Variants in CSPP1 observed in about 807,000 individuals in gnomAD.
CSPP1 encodes the protein centrosome and spindle pole associated protein 1, also known as centrosome and spindle pole-associated protein 1.
CSPP1 carries 126 observed loss-of-function variants against 164.4 expected under a neutral mutation model. The observed-to-expected ratio is 0.77, with a 90% CI of 0.66 to 0.89. CSPP1 has a LOEUF of 0.89. CSPP1 is among the 40% of genes least tolerant of loss of function. The pLI is 0.00. For missense variants in CSPP1, 1,395 were observed against 1,449.8 expected (o/e 0.96, Z 0.61); for synonymous variants, 472 against 476.7 (o/e 0.99, Z 0.13).
chr8:67,151,899 C>A (rs1274485219), intron 18 of CSPP1, among the ~76,000 whole-genome samples: 1 of 151,522 alleles, frequency 6.6e-6, no homozygotes, highest in Non-Finnish European at 1.5e-5. Context: ...ACCATCCTGG[C>A]CTACATGGTG....
chr8:67,064,694 T>TG (rs1805150088), intron 1 of CSPP1, 156 bp downstream of exon 1: 3 of 10,856 alleles, frequency 2.8e-4, no homozygotes, highest in Admixed American at 9.8e-4. Flanking sequence ...AATCTGGGGG[T>TG]GGGGGTGGGG....
At chr8:67,098,984 CAT>C (rs1813444287) in intron 7 of CSPP1, among the ~76,000 whole-genome samples, 1 of 150,532 alleles carries the variant, frequency 6.6e-6, no homozygotes, top group African/African-American at 2.4e-5. Flanking sequence ...TAAAGATTAA[CAT>C]GTGTTCATTT....
intron 24 of CSPP1, among the ~76,000 whole-genome samples, chr8:67,169,829 A>G (rs1308340779): frequency 6.6e-6 from 1 of 151,734 alleles, no homozygotes; most frequent in African/African-American, 2.4e-5. Context: ...GCTCACAGCA[A>G]CCTCCGCCTC....
At chr8:67,167,202 A>T (rs1211069834) in intron 24 of CSPP1, among the ~76,000 whole-genome samples, 2 of 152,202 alleles carry the variant, frequency 1.3e-5, no homozygotes, top group Non-Finnish European at 2.9e-5. Context: ...CAAAACCGCA[A>T]TCATCATCAT....
chr8:67,110,729 G>A (rs1816681018), intron 9 of CSPP1, among the ~76,000 whole-genome samples: 1 of 152,106 alleles, frequency 6.6e-6, no homozygotes, highest in Non-Finnish European at 1.5e-5. Context: ...CTGTGGTCTG[G>A]AAATTTCATT....
In CSPP1 at chr8:67,161,926, T is replaced by C. The variant is rs1455846653; in HGVS notation, c.2643+11T>C. On this transcript the variant is annotated intron_variant, in intron 22 of 30. Coordinates refer to ENST00000678616, the MANE Select transcript of CSPP1 (RefSeq NM_001382391.1). ...CGTTCCTTTATTCATGTATGTACTT[T>C]TGTTTTTATTTGTTCATCCTAGCTC... 2.0e-6 allele frequency: 3 copies of C among 1,486,038 alleles called. No individual in the cohort carries two copies. The highest frequency in any genetic ancestry group is 3.4e-5 in the Admixed American group (2 of 59,454). 92.1% of individuals were successfully genotyped at this position (1,486,038 alleles called of 1,614,324 possible). A position where few individuals can be genotyped will look rare whatever the true frequency, so the allele number is the denominator to read the frequency against.
intron 9 of CSPP1, among the ~76,000 whole-genome samples, chr8:67,111,411 GTAAT>G (rs1341987144): frequency 6.6e-6 from 1 of 152,130 alleles, no homozygotes; most frequent in Non-Finnish European, 1.5e-5. Flanking sequence ...GGGAAGACTG[GTAAT>G]TAGTTAGGAA....
At chr8:67,100,256 T>C (rs1210840012) in intron 7 of CSPP1, among the ~76,000 whole-genome samples, 2 of 152,190 alleles carry the variant, frequency 1.3e-5, no homozygotes, top group Non-Finnish European at 2.9e-5. Context: ...CTTAACCTTA[T>C]ACATAAATAA....
chr8:67,076,469 A>C lies in CSPP1; in HGVS notation c.100-13A>C. On this transcript the variant is annotated splice_polypyrimidine_tract_variant and intron_variant, in intron 2 of 30. Transcript: ENST00000678616. ...TTTTCCTCTTGCTTTTGTAAACATT[A>C]TGTCTCTTTCAGGGAAAGTTGTCAG... 3 of 1,490,374 alleles carry C rather than the reference A, an allele frequency of 2.0e-6. No individual in the cohort carries two copies. Among genetic ancestry groups the C allele is most frequent in the Non-Finnish European group, 2.7e-6 (3 of 1,094,658 alleles). The allele number at this position is 1,490,374 out of a possible 1,614,324, so 92.3% of individuals were successfully genotyped here.
chr8:67,092,498 C>T (rs910632397), intron 5 of CSPP1, among the ~76,000 whole-genome samples: 8 of 152,084 alleles, frequency 5.3e-5, no homozygotes, highest in South Asian at 2.1e-4. Context: ...AGGGCAGTGG[C>T]GGGGTCTTGG....
chr8:67,138,066 AAGAAGACATGATCAT>A (rs1468541679), intron 17 of CSPP1, among the ~76,000 whole-genome samples: 3 of 152,196 alleles, frequency 2.0e-5, no homozygotes, highest in African/African-American at 7.2e-5. Context: ...CTTTGGGAAA[AAGAAGACATGATCAT>A]AGAAACTTTC....
At chr8:67,073,383 T>A (rs528040151) in intron 1 of CSPP1, among the ~76,000 whole-genome samples, 11 of 152,330 alleles carry the variant, frequency 7.2e-5, no homozygotes, top group African/African-American at 2.6e-4. Flanking sequence ...AGGGATGTTC[T>A]ATTGAAAAGG....
At chr8:67,184,881 C>T (rs1430187740) in intron 28 of CSPP1, among the ~76,000 whole-genome samples, 3 of 137,546 alleles carry the variant, frequency 2.2e-5, no homozygotes, top group African/African-American at 5.3e-5. Flanking sequence ...GGGCGGATCA[C>T]AAGGTCAGGA....
chr8:67,073,423 G>A (rs1807256867), intron 1 of CSPP1, among the ~76,000 whole-genome samples: 2 of 152,110 alleles, frequency 1.3e-5, no homozygotes, highest in Non-Finnish European at 2.9e-5. Context: ...TCTTTTACCT[G>A]TGTAAATTGG....
intron 10 of CSPP1, 23 bp downstream of exon 10, chr8:67,112,088 AAG>A: frequency 6.4e-7 from 1 of 1,552,504 alleles, no homozygotes; most frequent in Non-Finnish European, 8.9e-7. Flanking sequence ...TTGCATTTAA[AAG>A]AGATATTTTG....
Position 67,149,825 on chromosome 8 carries a change from A to G in CSPP1, c.2018A>G (p.His673Arg), listed in dbSNP as rs769707621. 1.8e-5 allele frequency: 29 copies of G among 1,602,956 alleles called. No homozygotes were observed. The highest frequency in any genetic ancestry group is 2.4e-5 in the Non-Finnish European group (28 of 1,175,670). ...CACAGACAAAATATAGATGCCTACC[A>G]TAACCCAGATGCAAGAACATATGAA... ...RMHRQNIDAY[H>R]NPDARTYEDK... is the part of the protein sequence containing the mutation. The change falls in exon 18 of 31, where the codon CAT becomes CGT. Residue 673 changes from histidine (H) to arginine (R), a missense_variant. By Grantham distance (29) the His-to-Arg change is conservative (BLOSUM62 0). Coordinates refer to ENST00000678616, the MANE Select transcript of CSPP1 (RefSeq NM_001382391.1).
chr8:67,108,929 C>G (rs908938214), intron 9 of CSPP1, among the ~76,000 whole-genome samples: 1 of 152,202 alleles, frequency 6.6e-6, no homozygotes, highest in Non-Finnish European at 1.5e-5. Context: ...GTATAGTCTG[C>G]TTTGAAAGTC....
chr8:67,164,457 G>GTCTA lies in CSPP1; in HGVS notation c.2778_2781dup (p.Gln928SerfsTer11). On this transcript the variant is annotated frameshift_variant, in exon 24 of 31. Transcript: ENST00000678616. LOFTEE classifies it high-confidence loss of function. ...AAACAGCTTCGTAGTGAAGAGAGGCGTCTACAAGAGCGATTGCTACACATG... is the reference window on the plus strand; with the variant it reads ...AAACAGCTTCGTAGTGAAGAGAGGCGTCTATCTACAAGAGCGATTGCTACACATG... 2 of 1,606,602 alleles carry GTCTA rather than the reference G, an allele frequency of 1.2e-6. No homozygotes were observed. Among genetic ancestry groups the GTCTA allele is most frequent in the Non-Finnish European group, 1.7e-6 (2 of 1,173,396 alleles).
At chr8:67,082,035 C>A (rs1486448572) in intron 3 of CSPP1, among the ~76,000 whole-genome samples, 2 of 152,292 alleles carry the variant, frequency 1.3e-5, no homozygotes, top group African/African-American at 4.8e-5. Context: ...GCCACTGCAT[C>A]TGTCTAGTTG....
Sources: allele counts gnomAD v4.1 joint callset (sites outside exome capture counted in the v4.1 genomes callset), GRCh38; gene constraint gnomAD v4.1.1; transcripts MANE v1.5; gene names NCBI Gene and HGNC (gene_info 2026-07-23, HGNC 2026-07-21).